The following ALK variants were observed in gnomAD, a reference collection of about 807,000 sequenced individuals.
ALK encodes ALK tyrosine kinase receptor.
Under a neutral mutation model 163.1 loss-of-function variants are expected in ALK, and 74 were observed. The ratio of observed to expected loss-of-function variants is 0.45; its 90% confidence interval spans 0.38 to 0.55. The LOEUF (loss-of-function observed/expected upper bound fraction) is 0.55, where lower values mean the gene tolerates loss of function less well. Ranked by LOEUF, ALK falls within the 20% of genes least tolerant of loss-of-function variation. The probability of loss-of-function intolerance (pLI) is 0.00; values close to 1 mark genes in which losing one functional copy is unlikely to be tolerated. For synonymous variants in ALK, 960 were observed against 843.2 expected (o/e 1.14, Z -2.40); for missense variants, 2,063 against 2,105.3 (o/e 0.98, Z 0.39).
At chr2:29,692,842 C>T (rs142899531) in intron 3 of ALK, among the ~76,000 whole-genome samples, 41 of 152,252 alleles carry the variant, frequency 2.7e-4, no homozygotes, top group African/African-American at 8.2e-4. Context: ...GGAAATAATT[C>T]AAATGTTCAA....
chr2:29,883,077 G>T (rs1666905001), intron 1 of ALK, among the ~76,000 whole-genome samples: 1 of 151,482 alleles, frequency 6.6e-6, no homozygotes, highest in Admixed American at 6.6e-5. Flanking sequence ...AGACGACAGA[G>T]AGAGGAAGGG....
At chr2:29,804,451 C>T (rs569602186) in intron 1 of ALK, among the ~76,000 whole-genome samples, 2 of 152,338 alleles carry the variant, frequency 1.3e-5, no homozygotes, top group East Asian at 3.9e-4. Flanking sequence ...AAACCCTCAC[C>T]TCATATGCAG....
intron 5 of ALK, among the ~76,000 whole-genome samples, chr2:29,375,209 G>T (rs1331188401): frequency 6.6e-6 from 1 of 152,196 alleles, no homozygotes; most frequent in African/African-American, 2.4e-5. Context: ...GTAGCTCATG[G>T]CATCATTTAC....
At chr2:29,886,474 C>T (rs1436774075) in intron 1 of ALK, among the ~76,000 whole-genome samples, 1 of 152,190 alleles carries the variant, frequency 6.6e-6, no homozygotes, top group Non-Finnish European at 1.5e-5. Context: ...TCTTTGTTAG[C>T]CCTTTTATAA....
rs7570000 is a variant in ALK at position 29,699,040 on chromosome 2, C to T, written c.788-4026G>A. On this transcript the variant is annotated intron_variant, in intron 2 of 28. Coordinates refer to ENST00000389048, the MANE Select transcript of ALK (RefSeq NM_004304.5). ...AGTCTTATTTTCCTTGGGCCTCTTC[C>T]GAGGTTCTAGACCTAGTGTGCTTCT... 9.2e-5 allele frequency among the ~76,000 whole-genome samples: 14 copies of T among 152,316 alleles called. No individual in the cohort carries two copies. In the South Asian group the frequency reaches 2.3e-3, roughly 25 times the overall value.
chr2:29,295,047 T>C (rs1161626959), intron 9 of ALK, among the ~76,000 whole-genome samples: 1 of 152,146 alleles, frequency 6.6e-6, no homozygotes, highest in East Asian at 1.9e-4. Flanking sequence ...GTATGCAGGC[T>C]CCCAGCGAAT....
intron 8 of ALK, among the ~76,000 whole-genome samples, chr2:29,305,615 T>C (rs1666488907): frequency 6.6e-6 from 1 of 152,152 alleles, no homozygotes; most frequent in African/African-American, 2.4e-5. Flanking sequence ...ATGCCAAGTA[T>C]ACCCAGCTTG....
chr2:29,565,740 A>T lies in ALK; in HGVS notation c.953-33624T>A, dbSNP rs115374845. Among the ~76,000 whole-genome samples, 807 of 152,304 alleles carry T rather than the reference A, an allele frequency of 5.3e-3. 12 individuals are homozygous for T. The highest frequency in any genetic ancestry group is 0.019 in the African/African-American group (774 of 41,568). ...ACCTCGCCTCAGCACACTGCACAGC[A>T]GCCATCTAATAGCACCCTGCAAAAC... On this transcript the variant is annotated intron_variant, in intron 3 of 28. Coordinates refer to ENST00000389048, the MANE Select transcript of ALK (RefSeq NM_004304.5).
intron 1 of ALK, among the ~76,000 whole-genome samples, chr2:29,885,308 T>C (rs1416759200): frequency 6.6e-6 from 1 of 152,134 alleles, no homozygotes; most frequent in Non-Finnish European, 1.5e-5. Flanking sequence ...CAAGGACCTT[T>C]AAGGCTCATT....
intron 11 of ALK, among the ~76,000 whole-genome samples, chr2:29,258,144 C>T (rs1487957977): frequency 6.6e-6 from 1 of 152,150 alleles, no homozygotes; most frequent in African/African-American, 2.4e-5. Flanking sequence ...CATATTTTCT[C>T]GTTTTGAAGA....
At chr2:29,276,559 T>C (rs1186980266) in intron 9 of ALK, among the ~76,000 whole-genome samples, 2 of 152,062 alleles carry the variant, frequency 1.3e-5, no homozygotes, top group Non-Finnish European at 2.9e-5. Flanking sequence ...GGCATGGGTA[T>C]GAAAACACCA....
chr2:29,783,141 T>C (rs1663887011), intron 1 of ALK, among the ~76,000 whole-genome samples: 1 of 152,214 alleles, frequency 6.6e-6, no homozygotes. Context: ...TTTCCTACTT[T>C]TGTCTCTGGG....
intron 3 of ALK, among the ~76,000 whole-genome samples, chr2:29,688,722 C>T (rs1176730785): frequency 2.6e-5 from 4 of 152,120 alleles, no homozygotes; most frequent in South Asian, 4.1e-4. Context: ...GTGTGATCAG[C>T]GGTCACTCCA....
At chr2:29,719,563 C>T (rs893184045) in intron 1 of ALK, among the ~76,000 whole-genome samples, 1 of 152,158 alleles carries the variant, frequency 6.6e-6, no homozygotes, top group Non-Finnish European at 1.5e-5. Flanking sequence ...CGGTATGATG[C>T]TAAGTGCTTT....
chr2:29,623,335 T>C (rs945717194), intron 3 of ALK, among the ~76,000 whole-genome samples: 2 of 152,200 alleles, frequency 1.3e-5, no homozygotes, highest in African/African-American at 4.8e-5. Flanking sequence ...ACAGTTAAAT[T>C]ATAATCTGAT....
rs77779055 is a variant in ALK at position 29,261,154 on chromosome 2, C to T, written c.2042-9887G>A. 7.2e-3 allele frequency among the ~76,000 whole-genome samples: 1,094 copies of T among 152,304 alleles called. 16 individuals carry two copies. The highest frequency in any genetic ancestry group is 0.025 in the African/African-American group (1,041 of 41,560). On this transcript the variant is annotated intron_variant, in intron 11 of 28. Coordinates refer to ENST00000389048, the MANE Select transcript of ALK (RefSeq NM_004304.5). ...GCTTTCTGTAATTTCTAGCAACTAT[C>T]TCTTGGCTACTTAGGGGTTCTCCTG...
intron 4 of ALK, among the ~76,000 whole-genome samples, chr2:29,478,828 T>C (rs1671591159): frequency 6.6e-6 from 1 of 152,108 alleles, no homozygotes; most frequent in East Asian, 1.9e-4. Flanking sequence ...GTGTCCCAGC[T>C]TGTGGGAATG....
At chr2:29,793,328 A>G (rs116197399) in intron 1 of ALK, among the ~76,000 whole-genome samples, 6,235 of 152,234 alleles carry the variant, frequency 0.041, 451 homozygotes, top group African/African-American at 0.14. Context: ...TGCTGCCTCC[A>G]ACGAAGACTC....
intron 1 of ALK, among the ~76,000 whole-genome samples, chr2:29,866,057 G>A (rs1320045648): frequency 2.0e-5 from 3 of 152,108 alleles, no homozygotes; most frequent in Non-Finnish European, 4.4e-5. Context: ...CCTAACAGTT[G>A]TCCCCACTGT....
Sources: gnomAD v4.1 joint callset for allele counts (sites outside exome capture counted in the v4.1 genomes callset) on GRCh38, gnomAD v4.1.1 for gene constraint, MANE v1.5 for transcripts, NCBI Gene and HGNC (gene_info 2026-07-23, HGNC 2026-07-21) for gene names.